The following RPS6KC1 variants were observed in gnomAD, a reference collection of about 807,000 sequenced individuals.
RPS6KC1 encodes inactive ribosomal protein S6 kinase delta-1.
RPS6KC1 carries 54 observed loss-of-function variants against 103.8 expected under a neutral mutation model. The observed-to-expected ratio is 0.52, with a 90% CI of 0.42 to 0.65. The LOEUF (loss-of-function observed/expected upper bound fraction) is 0.65. Ranked by LOEUF, RPS6KC1 falls within the 30% of genes least tolerant of loss-of-function variation. The pLI is 0.00. For missense variants in RPS6KC1, 1,151 were observed against 1,253.8 expected (o/e 0.92, Z 1.24); for synonymous variants, 439 against 438.7 (o/e 1.00, Z -0.01).
At chr1:213,417,548 G>C in the RPS6KC1 span, among the ~76,000 whole-genome samples, 3 of 152,122 alleles carry the variant, frequency 2.0e-5, no homozygotes, top group Non-Finnish European at 4.4e-5. Flanking sequence ...GAAAGCCAGT[G>C]GGGGCTCGGG....
Position 213,092,643 on chromosome 1 carries a change from G to A in RPS6KC1, c.263-11811G>A, listed in dbSNP as rs192379419. Among the ~76,000 whole-genome samples, 107 of 150,130 alleles carry A rather than the reference G, an allele frequency of 7.1e-4. 1 individual carries two copies. The East Asian group carries it at 0.018, about 25-fold the overall frequency. On this transcript the variant is annotated intron_variant, in intron 3 of 14. Coordinates refer to ENST00000366960, the MANE Select transcript of RPS6KC1 (RefSeq NM_012424.6). The stretch of plus-strand genomic sequence containing the variant: ...GCCCAGATCGTGCCACTGCACTCCA[G>A]CCTGGGTGACAGAGCAAGACTCCAT...
At chr1:213,249,173 A>T (rs1057480613) in intron 12 of RPS6KC1, among the ~76,000 whole-genome samples, 2 of 152,166 alleles carry the variant, frequency 1.3e-5, no homozygotes, top group African/African-American at 4.8e-5. Context: ...ACTATTCAGT[A>T]ATTGGCCTCA....
the RPS6KC1 span, among the ~76,000 whole-genome samples, chr1:213,741,980 G>A: frequency 6.6e-6 from 1 of 152,088 alleles, no homozygotes; most frequent in Non-Finnish European, 1.5e-5. Flanking sequence ...GTGTTACATA[G>A]ACACATGATG....
chr1:213,289,908 G>A, the RPS6KC1 span, among the ~76,000 whole-genome samples: 17 of 152,048 alleles, frequency 1.1e-4, no homozygotes, highest in South Asian at 2.1e-4. Flanking sequence ...GCGTGGTGGC[G>A]CGTGCCTGTG....
chr1:213,125,890 C>T (rs2084937212), intron 5 of RPS6KC1: 1 of 151,744 alleles, frequency 6.6e-6, no homozygotes, highest in South Asian at 2.1e-4. Context: ...GGTCAAAAGC[C>T]AAGAAACAGA....
the RPS6KC1 span, among the ~76,000 whole-genome samples, chr1:213,702,574 G>A: frequency 6.6e-6 from 1 of 151,838 alleles, no homozygotes; most frequent in African/African-American, 2.4e-5. Context: ...AATAATATTT[G>A]TTTTATATAT....
intron 8 of RPS6KC1, among the ~76,000 whole-genome samples, chr1:213,199,007 C>T (rs1465434185): frequency 6.6e-6 from 1 of 152,042 alleles, no homozygotes; most frequent in African/African-American, 2.4e-5. Context: ...CCTACCACAC[C>T]TCCCCATCAA....
At chr1:213,065,676 G>A (rs1250664416) in intron 1 of RPS6KC1, among the ~76,000 whole-genome samples, 1 of 152,174 alleles carries the variant, frequency 6.6e-6, no homozygotes, top group African/African-American at 2.4e-5. Flanking sequence ...ATGTATTTGG[G>A]AAGTGATTGT....
the RPS6KC1 span, among the ~76,000 whole-genome samples, chr1:213,666,076 G>A: frequency 6.6e-6 from 1 of 152,154 alleles, no homozygotes; most frequent in Admixed American, 6.5e-5. Context: ...TCTCGGCAGT[G>A]GGGTGGGAGG....
chr1:213,747,884 A>G, the RPS6KC1 span, among the ~76,000 whole-genome samples: 2 of 152,242 alleles, frequency 1.3e-5, no homozygotes, highest in African/African-American at 2.4e-5. Context: ...CTAAGTGCCT[A>G]CAAAAGAATA....
At chr1:213,532,297 G>A in the RPS6KC1 span, among the ~76,000 whole-genome samples, 1 of 152,148 alleles carries the variant, frequency 6.6e-6, no homozygotes, top group Non-Finnish European at 1.5e-5. Context: ...TCCAACTGCG[G>A]ATGCATTAGG....
the RPS6KC1 span, among the ~76,000 whole-genome samples, chr1:213,465,081 C>T: frequency 6.6e-6 from 1 of 152,152 alleles, no homozygotes; most frequent in African/African-American, 2.4e-5. Flanking sequence ...AGGACAACTT[C>T]AAGGGCAGTC....
intron 8 of RPS6KC1, among the ~76,000 whole-genome samples, chr1:213,208,488 T>C (rs2093417047): frequency 6.6e-6 from 1 of 152,236 alleles, no homozygotes; most frequent in African/African-American, 2.4e-5. Context: ...TTCTCATTTT[T>C]TGAGCTGTGT....
the RPS6KC1 span, among the ~76,000 whole-genome samples, chr1:213,355,591 G>T: frequency 6.6e-6 from 1 of 152,190 alleles, no homozygotes; most frequent in African/African-American, 2.4e-5. Flanking sequence ...TGAATGCACT[G>T]TATTTTTAAA....
chr1:213,761,529 T>C, the RPS6KC1 span, among the ~76,000 whole-genome samples: 1 of 152,250 alleles, frequency 6.6e-6, no homozygotes, highest in Admixed American at 6.5e-5. Flanking sequence ...ATAATTGTCC[T>C]GTTGACATTG....
At chr1:213,156,934 CTCCTT>C (rs1238768994) in intron 6 of RPS6KC1, among the ~76,000 whole-genome samples, 1 of 151,430 alleles carries the variant, frequency 6.6e-6, no homozygotes, top group Non-Finnish European at 1.5e-5. Flanking sequence ...TCATTTTTTT[CTCCTT>C]TCACTGTTTT....
At chr1:213,847,350 C>T in the RPS6KC1 span, among the ~76,000 whole-genome samples, 1 of 152,106 alleles carries the variant, frequency 6.6e-6, no homozygotes, top group African/African-American at 2.4e-5. Flanking sequence ...CAGGAGGTTG[C>T]TTGTTGGAGA....
At chr1:213,566,713 A>G in the RPS6KC1 span, among the ~76,000 whole-genome samples, 1 of 151,150 alleles carries the variant, frequency 6.6e-6, no homozygotes, top group African/African-American at 2.4e-5. Context: ...AGCCTGCTAT[A>G]ACTATGCTAT....
chr1:213,171,857 G>A (rs1271898229), intron 7 of RPS6KC1, among the ~76,000 whole-genome samples: 2 of 152,144 alleles, frequency 1.3e-5, no homozygotes, highest in African/African-American at 2.4e-5. Context: ...GATTGCCCGT[G>A]AAAGTCTTTG....
Sources: gnomAD v4.1 joint callset for allele counts (sites outside exome capture counted in the v4.1 genomes callset) on GRCh38, gnomAD v4.1.1 for gene constraint, MANE v1.5 for transcripts, NCBI Gene and HGNC (gene_info 2026-07-23, HGNC 2026-07-21) for gene names.